MARCHF4: variants seen among roughly 807,000 people sequenced by gnomAD.
The protein encoded by MARCHF4 is E3 ubiquitin-protein ligase MARCHF4.
Under a neutral mutation model 43.9 loss-of-function variants are expected in MARCHF4, and 14 were observed. That is an observed-to-expected ratio of 0.32 (90% CI 0.21 to 0.50). MARCHF4 has a LOEUF of 0.50. MARCHF4 is among the 20% of genes least tolerant of loss of function. MARCHF4 has a pLI of 0.98. For synonymous variants in MARCHF4, 226 were observed against 213.3 expected (o/e 1.06, Z -0.52); for missense variants, 468 against 536.7 (o/e 0.87, Z 1.27).
rs169616 is a variant in MARCHF4 at position 216,259,235 on chromosome 2, T to C, written c.*77A>G. The C allele has an allele frequency of 0.87, 1,289,373 of 1,488,142 alleles. 562,376 individuals are homozygous for C. The highest frequency in any genetic ancestry group is 0.89 in the Non-Finnish European group (994,098 of 1,122,542). 92.2% of individuals were successfully genotyped at this position (1,488,142 alleles called of 1,614,324 possible). ...CTCTGCCTGCTCCCTCTGTTGGCTC[T>C]GGGGGTGCCACTGCACCTCCCCACC... On this transcript the variant is annotated 3_prime_UTR_variant, in exon 4 of 4. Transcript: ENST00000273067.
At chr2:216,312,329 A>G (rs1333024233) in intron 1 of MARCHF4, among the ~76,000 whole-genome samples, 1 of 152,226 alleles carries the variant, frequency 6.6e-6, no homozygotes, top group Non-Finnish European at 1.5e-5. Flanking sequence ...AGGTGTATAT[A>G]TACCACATTT....
chr2:216,272,235 C>G (rs368197149), intron 3 of MARCHF4, among the ~76,000 whole-genome samples: 5 of 152,124 alleles, frequency 3.3e-5, no homozygotes, highest in Admixed American at 1.3e-4. Context: ...ACCTGAAGAA[C>G]CTTTCACCAG....
intron 2 of MARCHF4, among the ~76,000 whole-genome samples, chr2:216,282,842 C>T (rs1333029071): frequency 6.6e-6 from 1 of 152,142 alleles, no homozygotes; most frequent in Non-Finnish European, 1.5e-5. Context: ...ATTCTCTCCC[C>T]TTCTTCTATT....
intron 1 of MARCHF4, among the ~76,000 whole-genome samples, chr2:216,312,897 T>C (rs1691713091): frequency 1.0e-5 from 1 of 96,492 alleles, no homozygotes; most frequent in South Asian, 4.6e-4. Flanking sequence ...CTAAGTCCCA[T>C]TTGTCTGTTT....
chr2:216,325,622 A>G (rs1057489275), intron 1 of MARCHF4, among the ~76,000 whole-genome samples: 5 of 152,220 alleles, frequency 3.3e-5, no homozygotes, highest in African/African-American at 7.2e-5. Flanking sequence ...ATATAGATCA[A>G]TGGAACAGAA....
chr2:216,297,800 CT>C (rs757156737), intron 1 of MARCHF4, among the ~76,000 whole-genome samples: 1 of 152,240 alleles, frequency 6.6e-6, no homozygotes, highest in East Asian at 1.9e-4. Context: ...CACCCCTCCC[CT>C]ATGGTCTTCT....
intron 1 of MARCHF4, among the ~76,000 whole-genome samples, chr2:216,338,384 C>T (rs1692188855): frequency 6.6e-6 from 1 of 152,170 alleles, no homozygotes; most frequent in Admixed American, 6.5e-5. Flanking sequence ...TAGGGAGAAA[C>T]CACAGAAGTT....
At chr2:216,270,890 G>T (rs1479270328) in intron 3 of MARCHF4, among the ~76,000 whole-genome samples, 2 of 152,106 alleles carry the variant, frequency 1.3e-5, no homozygotes. Context: ...CTGCCACTGT[G>T]TTGCAACTCT....
At chr2:216,339,500 T>C (rs1356445424) in intron 1 of MARCHF4, among the ~76,000 whole-genome samples, 1 of 152,166 alleles carries the variant, frequency 6.6e-6, no homozygotes, top group African/African-American at 2.4e-5. Context: ...TTTTAGTAAA[T>C]ATGTCAAAAC....
At chr2:216,269,242 A>T (rs185508943) in intron 3 of MARCHF4, among the ~76,000 whole-genome samples, 2 of 152,296 alleles carry the variant, frequency 1.3e-5, no homozygotes, top group East Asian at 3.9e-4. Flanking sequence ...AGTTAAAAAA[A>T]TGTTTTTTTG....
At chr2:216,325,563 C>T (rs1364025613) in intron 1 of MARCHF4, among the ~76,000 whole-genome samples, 1 of 152,180 alleles carries the variant, frequency 6.6e-6, no homozygotes, top group African/African-American at 2.4e-5. Context: ...TGACTTCAAA[C>T]TATACTACAA....
intron 1 of MARCHF4, among the ~76,000 whole-genome samples, chr2:216,309,533 A>G (rs1295766389): frequency 1.3e-5 from 2 of 151,914 alleles, no homozygotes; most frequent in Non-Finnish European, 2.9e-5. Flanking sequence ...TAATCAGAAG[A>G]CTCCTACCCT....
At chr2:216,356,339 C>T (rs1053513642) in intron 1 of MARCHF4, among the ~76,000 whole-genome samples, 1 of 152,160 alleles carries the variant, frequency 6.6e-6, no homozygotes, top group Admixed American at 6.5e-5. Flanking sequence ...TGAGGAACTG[C>T]GCGAAGCATG....
At chr2:216,322,913 A>G (rs947292985) in intron 1 of MARCHF4, among the ~76,000 whole-genome samples, 1 of 152,342 alleles carries the variant, frequency 6.6e-6, no homozygotes, top group South Asian at 2.1e-4. Context: ...TTATACCATA[A>G]GATGTCCTGT....
intron 1 of MARCHF4, among the ~76,000 whole-genome samples, chr2:216,301,927 GA>G (rs1237187406): frequency 3.9e-5 from 6 of 152,184 alleles, no homozygotes; most frequent in African/African-American, 1.4e-4. Flanking sequence ...ATGTCTTCGT[GA>G]TTCCTTCTAG....
intron 1 of MARCHF4, chr2:216,321,836 GA>G (rs1230024748): frequency 6.6e-6 from 1 of 152,198 alleles, no homozygotes; most frequent in Non-Finnish European, 1.5e-5. Context: ...GTATGACTCA[GA>G]AAAAGAAGCC....
intron 1 of MARCHF4, among the ~76,000 whole-genome samples, chr2:216,293,222 T>G (rs1279062431): frequency 6.6e-6 from 1 of 152,208 alleles, no homozygotes; most frequent in Non-Finnish European, 1.5e-5. Context: ...GCATTTCACA[T>G]GCTCCCTTCC....
At chr2:216,309,449 A>G (rs1398443415) in intron 1 of MARCHF4, among the ~76,000 whole-genome samples, 1 of 152,150 alleles carries the variant, frequency 6.6e-6, no homozygotes, top group East Asian at 1.9e-4. Context: ...TGTTCAACTC[A>G]CGTGGTCCAC....
chr2:216,269,170 GA>G lies in MARCHF4; in HGVS notation c.865+8501del, dbSNP rs577355321. 4.9e-4 allele frequency among the ~76,000 whole-genome samples: 74 copies of G among 152,296 alleles called. 1 individual carries two copies. The highest frequency in any genetic ancestry group is 1.7e-3 in the African/African-American group (71 of 41,564). On this transcript the variant is annotated intron_variant, in intron 3 of 3. Transcript: ENST00000273067. ...ATCACAAGTTAAAAACAAACATGAT[GA>G]AGAAGAGAGCCTCATTTTTGCAGAG...
Sources: allele counts gnomAD v4.1 joint callset (sites outside exome capture counted in the v4.1 genomes callset), GRCh38; gene constraint gnomAD v4.1.1; transcripts MANE v1.5; gene names NCBI Gene and HGNC (gene_info 2026-07-23, HGNC 2026-07-21).